PDE6A: variants seen among roughly 807,000 people sequenced by gnomAD.
PDE6A encodes the protein rod cGMP-specific 3',5'-cyclic phosphodiesterase subunit alpha.
Under a neutral mutation model 106.3 loss-of-function variants are expected in PDE6A, and 84 were observed. That is an observed-to-expected ratio of 0.79 (90% CI 0.66 to 0.95). The LOEUF is 0.95. Ranked by LOEUF, PDE6A falls within the 40% of genes least tolerant of loss-of-function variation. PDE6A has a pLI of 0.00. For missense variants in PDE6A, 1,052 were observed against 1,084.9 expected, an observed-to-expected ratio of 0.97 and a Z score of 0.43; for synonymous variants, 394 against 386.6, an observed-to-expected ratio of 1.02 and a Z score of -0.23.
chr5:149,928,223 A>ATTTTTTTT (rs1753921507), intron 4 of PDE6A, among the ~76,000 whole-genome samples: 1 of 29,954 alleles, frequency 3.3e-5, no homozygotes, highest in South Asian at 7.2e-4. Flanking sequence ...ATATATATAT[A>ATTTTTTTT]TATATATATT....
At position 149,858,016 on chromosome 5, in the gene PDE6A, A is replaced by G. The variant is rs1433498739; in HGVS notation, c.*2879T>C. 6.6e-6 allele frequency: 1 copy of G among 152,232 alleles called. No homozygotes were observed. The highest frequency in any genetic ancestry group is 1.5e-5 in the Non-Finnish European group (1 of 68,040). 9.4% of individuals were successfully genotyped at this position (152,232 alleles called of 1,614,324 possible). A position where few individuals can be genotyped will look rare whatever the true frequency, so the allele number is the denominator to read the frequency against. ...GAATGTGTTACATGCGGCCACAAAG[A>G]AACAAACAGATAAATACAGAATGTG... On this transcript the variant is annotated 3_prime_UTR_variant, in exon 22 of 22. Transcript: ENST00000255266.
intron 16 of PDE6A, among the ~76,000 whole-genome samples, chr5:149,884,225 C>T (rs1423791126): frequency 1.4e-5 from 2 of 145,304 alleles, no homozygotes; most frequent in African/African-American, 2.5e-5. Context: ...TACACACACA[C>T]ATATATATGT....
rs36043437 is a variant in PDE6A at position 149,860,653 on chromosome 5, A to AT, written c.*241dup. On this transcript the variant is annotated 3_prime_UTR_variant, in exon 22 of 22. Coordinates refer to ENST00000255266, the MANE Select transcript of PDE6A (RefSeq NM_000440.3). ...CATTATGAAATTTTTTTTTTTGGCG[A>AT]TTTTTTTTTTTAAGTTCAACAGCTA... is the stretch of plus-strand genomic sequence containing the variant. 126,222 of 333,734 alleles carry AT rather than the reference A, an allele frequency of 0.38. 17,872 individuals carry two copies. The highest frequency in any genetic ancestry group is 0.46 in the Admixed American group (10,183 of 22,158). 20.7% of individuals were successfully genotyped at this position (333,734 alleles called of 1,614,324 possible).
At chr5:149,929,991 G>A (rs1009558540) in intron 4 of PDE6A, among the ~76,000 whole-genome samples, 5 of 152,080 alleles carry the variant, frequency 3.3e-5, no homozygotes, top group African/African-American at 1.2e-4. Flanking sequence ...CGAACTCCTG[G>A]CCACAGGCCA....
At chr5:149,902,694 C>T (rs1369355555) in intron 8 of PDE6A, among the ~76,000 whole-genome samples, 2 of 151,244 alleles carry the variant, frequency 1.3e-5, no homozygotes, top group Non-Finnish European at 3.0e-5. Flanking sequence ...TAGTGGCGGG[C>T]GCCTGTAGTT....
rs759709649 is a variant in PDE6A, at chr5:149,934,680, C to G, written c.513G>C (p.Glu171Asp). The stretch of plus-strand genomic sequence containing the variant: ...AAGCCAAGATGTTCTTGGTCTTGTA[C>G]TCTGTGAGGATGTCCACAAAGTCAC... The part of the protein sequence containing the change: ...HFCDFVDILT[E>D]YKTKNILASP... The change falls in exon 2 of 22, where the codon GAG (glutamate) becomes GAC (aspartate). Residue 171 changes from glutamate (E) to aspartate (D), a missense_variant. Around this residue, in one of 3 missense-constraint regions of PDE6A, gnomAD observed 913 missense variants for 915.2 expected, o/e 1.00. Transcript: ENST00000255266. 27 of 1,613,944 alleles carry G rather than the reference C, an allele frequency of 1.7e-5. No individual in the cohort carries two copies. The highest frequency in any genetic ancestry group is 1.7e-4 in the Middle Eastern group (1 of 6,008).
At chr5:149,925,444 C>T (rs938390230) in intron 4 of PDE6A, among the ~76,000 whole-genome samples, 9 of 152,166 alleles carry the variant, frequency 5.9e-5, no homozygotes, top group South Asian at 4.1e-4. Flanking sequence ...CAGTGGCTCA[C>T]GCCTGTAATA....
intron 12 of PDE6A, among the ~76,000 whole-genome samples, 180 bp from the exon 13 acceptor site, chr5:149,895,470 A>G (rs1266271165): frequency 6.6e-6 from 1 of 151,924 alleles, no homozygotes; most frequent in African/African-American, 2.4e-5. Context: ...ATGCTGCGAA[A>G]GTGCTTTGCA....
At chr5:149,925,747 G>A (rs245066) in intron 4 of PDE6A, among the ~76,000 whole-genome samples, 71,129 of 148,540 alleles carry the variant, frequency 0.48, 18,618 homozygotes, top group Non-Finnish European at 0.6. Flanking sequence ...AATAGAAGAT[G>A]GATCGAAGAA....
chr5:149,860,378 A>G lies in PDE6A; in HGVS notation c.*517T>C, dbSNP rs1409458572. On this transcript the variant is annotated 3_prime_UTR_variant, in exon 22 of 22. Coordinates refer to ENST00000255266, the MANE Select transcript of PDE6A (RefSeq NM_000440.3). ...TTTACAATACATTAACTGAAAGTAT[A>G]AGAACAAAAATGATTCTAAGCAAGC... 2 of 152,648 alleles carry G rather than the reference A, an allele frequency of 1.3e-5. No individual in the cohort carries two copies. The highest frequency in any genetic ancestry group is 4.8e-5 in the African/African-American group (2 of 41,458). The allele number at this position is 152,648 out of a possible 1,614,324, so 9.5% of individuals were successfully genotyped here. A position where few individuals can be genotyped will look rare whatever the true frequency, so the allele number is the denominator to read the frequency against.
At chr5:149,920,525 A>G (rs1364723253) in intron 5 of PDE6A, among the ~76,000 whole-genome samples, 1 of 152,162 alleles carries the variant, frequency 6.6e-6, no homozygotes, top group African/African-American at 2.4e-5. Flanking sequence ...GGTTGCAGTG[A>G]GCCAAGATCA....
intron 4 of PDE6A, among the ~76,000 whole-genome samples, chr5:149,923,553 CATAACATAACATAACATAACATAACA>C (rs1352442793): frequency 5.7e-5 from 7 of 123,792 alleles, no homozygotes; most frequent in African/African-American, 2.8e-4. Context: ...CATAACATAA[CATAACATAACATAACATAACATAACA>C]AACAACAACA....
At chr5:149,896,972 C>T (rs1462428779) in intron 10 of PDE6A, among the ~76,000 whole-genome samples, 196 bp from the exon 11 acceptor site, 5 of 152,218 alleles carry the variant, frequency 3.3e-5, no homozygotes, top group Non-Finnish European at 7.3e-5. Context: ...TCAAGCTCTA[C>T]CACTTACTAG....
At chr5:149,920,962 G>GAAAGAAAGAA (rs1753693524) in intron 5 of PDE6A, among the ~76,000 whole-genome samples, 2 of 124,812 alleles carry the variant, frequency 1.6e-5, no homozygotes, top group South Asian at 4.8e-4. Flanking sequence ...AAGAAAGAAA[G>GAAAGAAAGAA]AAAGAAAGAA....
At chr5:149,890,417 A>G (rs1752503672) in intron 13 of PDE6A, among the ~76,000 whole-genome samples, 1 of 152,220 alleles carries the variant, frequency 6.6e-6, no homozygotes, top group Admixed American at 6.5e-5. Context: ...TATGGGAAGC[A>G]TTGTCAAATA....
intron 5 of PDE6A, among the ~76,000 whole-genome samples, chr5:149,920,958 G>GAAAGAA (rs1753692680): frequency 8.1e-6 from 1 of 123,868 alleles, no homozygotes; most frequent in Admixed American, 8.1e-5. Context: ...AAGAAAGAAA[G>GAAAGAA]AAAGAAAGAA....
chr5:149,922,649 T>A (rs1254701321), intron 4 of PDE6A, among the ~76,000 whole-genome samples: 1 of 152,196 alleles, frequency 6.6e-6, no homozygotes, highest in East Asian at 1.9e-4. Flanking sequence ...CTCTGAGTGA[T>A]TGGAATCAGA....
At chr5:149,870,881 A>G (rs1307102854) in intron 17 of PDE6A, among the ~76,000 whole-genome samples, 6 of 141,162 alleles carry the variant, frequency 4.3e-5, no homozygotes, top group African/African-American at 1.5e-4. Context: ...AAGAAAGAGA[A>G]AGAAAGAAAA....
At chr5:149,875,487 A>ATTT (rs201444448) in intron 17 of PDE6A, among the ~76,000 whole-genome samples, 35 of 137,852 alleles carry the variant, frequency 2.5e-4, no homozygotes, top group African/African-American at 4.6e-4. Flanking sequence ...CATACTGACT[A>ATTT]TTTTTTTTTT....
Sources: gnomAD v4.1 joint callset for allele counts (sites outside exome capture counted in the v4.1 genomes callset) on GRCh38, gnomAD v4.1.1 for gene constraint, gnomAD v4.1.1 regional missense constraint, MANE v1.5 for transcripts, NCBI Gene and HGNC (gene_info 2026-07-23, HGNC 2026-07-21) for gene names.